Variants in CAPS2 observed in about 807,000 individuals in gnomAD.
The protein encoded by CAPS2 is calcyphosine 2.
In CAPS2, 98 loss-of-function variants were observed where a neutral mutation model predicts 86.5. That is an observed-to-expected ratio of 1.13 (90% CI 0.96 to 1.34). The LOEUF (loss-of-function observed/expected upper bound fraction) is 1.34. Ranked by LOEUF, CAPS2 falls within the 40% of genes most tolerant of loss-of-function variation. The pLI is 0.00. For synonymous variants in CAPS2, 210 were observed against 225.1 expected (o/e 0.93, Z 0.60); for missense variants, 729 against 686.8 (o/e 1.06, Z -0.69).
chr12:75,363,394 C>T (rs1436534317), intron 1 of CAPS2, among the ~76,000 whole-genome samples: 1 of 152,064 alleles, frequency 6.6e-6, no homozygotes, highest in Non-Finnish European at 1.5e-5. Flanking sequence ...CCCTCTGAAG[C>T]TAAAGAGCAG....
chr12:75,384,167 A>C (rs1240140869), intron 1 of CAPS2, among the ~76,000 whole-genome samples: 1 of 152,194 alleles, frequency 6.6e-6, no homozygotes, highest in Non-Finnish European at 1.5e-5. Context: ...AAATTTGAAC[A>C]GAAATCAATA....
intron 16 of CAPS2, among the ~76,000 whole-genome samples, chr12:75,279,823 A>C (rs945757926): frequency 6.6e-6 from 1 of 152,064 alleles, no homozygotes; most frequent in African/African-American, 2.4e-5. Flanking sequence ...CAAGGCTAAA[A>C]ATTAATCAAG....
chr12:75,323,311 G>A, intron 2 of CAPS2, 89 bp from the exon 4 acceptor site: 5 of 1,070,142 alleles, frequency 4.7e-6, no homozygotes, highest in South Asian at 1.6e-5. Flanking sequence ...TTATAAATAG[G>A]TACACTGAAA....
At chr12:75,346,376 G>A (rs978545866) in intron 1 of CAPS2, among the ~76,000 whole-genome samples, 1 of 152,002 alleles carries the variant, frequency 6.6e-6, no homozygotes, top group Non-Finnish European at 1.5e-5. Context: ...AAACCACAAA[G>A]ATGGCTGAAA....
At chr12:75,390,778 T>C (rs2045550033) in intron 1 of CAPS2, 9 of 524,430 alleles carry the variant, frequency 1.7e-5, no homozygotes, top group Non-Finnish European at 3.1e-5. Flanking sequence ...TCATTCAGTG[T>C]CAGAAATCAA....
At chr12:75,304,953 T>C (rs1265695324) in intron 7 of CAPS2, 77 bp from the exon 8 acceptor site, 1 of 1,401,178 alleles carries the variant, frequency 7.1e-7, no homozygotes. Context: ...TATAAGCAGT[T>C]CTAAAAGCTC....
chr12:75,289,834 G>A (rs571969398), intron 13 of CAPS2, 59 bp from the exon 14 acceptor site: 37 of 1,202,964 alleles, frequency 3.1e-5, no homozygotes, highest in South Asian at 2.6e-4. Flanking sequence ...GTATAAAGCC[G>A]CAGTTATCTT....
intron 1 of CAPS2, among the ~76,000 whole-genome samples, chr12:75,366,420 G>T (rs1314125466): frequency 6.6e-6 from 1 of 152,148 alleles, no homozygotes; most frequent in Non-Finnish European, 1.5e-5. Flanking sequence ...TTGAGTTGCA[G>T]ATTGACCTTT....
chr12:75,332,426 T>C (rs2041396227), upstream of CAPS2, among the ~76,000 whole-genome samples: 1 of 152,222 alleles, frequency 6.6e-6, no homozygotes, highest in African/African-American at 2.4e-5. Context: ...TTTGTATTTA[T>C]TTGTTCATTC....
intron 1 of CAPS2, among the ~76,000 whole-genome samples, chr12:75,348,039 G>A (rs572228911): frequency 4.0e-4 from 61 of 152,186 alleles, no homozygotes; most frequent in Non-Finnish European, 2.5e-4. Context: ...GCTGGCAGAT[G>A]CTTCTCTAAT....
At chr12:75,287,493 A>C (rs1215968194) in intron 14 of CAPS2, among the ~76,000 whole-genome samples, 1 of 152,056 alleles carries the variant, frequency 6.6e-6, no homozygotes, top group Admixed American at 6.6e-5. Flanking sequence ...TATCAGTATT[A>C]GGTCATACAC....
chr12:75,379,684 G>A (rs12369556), intron 1 of CAPS2, among the ~76,000 whole-genome samples: 53,111 of 151,870 alleles, frequency 0.35, 9,646 homozygotes, highest in East Asian at 0.46. Context: ...TCAAACTCAA[G>A]TAAGTGTGTG....
At chr12:75,289,912 G>A (rs1281610050) in intron 13 of CAPS2, 137 bp from the exon 14 acceptor site, 10 of 651,640 alleles carry the variant, frequency 1.5e-5, no homozygotes, top group Non-Finnish European at 2.6e-5. Flanking sequence ...TCAAATGTAA[G>A]ACAAAAGACT....
upstream of CAPS2, among the ~76,000 whole-genome samples, chr12:75,330,692 ATGTG>A (rs572897301): frequency 9.2e-5 from 14 of 152,236 alleles, no homozygotes; most frequent in East Asian, 2.3e-3. Context: ...ATATATATGT[ATGTG>A]TATTTGTGTG....
At chr12:75,355,167 G>A (rs1453463110) in intron 1 of CAPS2, among the ~76,000 whole-genome samples, 1 of 152,134 alleles carries the variant, frequency 6.6e-6, no homozygotes, top group African/African-American at 2.4e-5. Context: ...CACAGCAAAA[G>A]AAACTATCAT....
intron 16 of CAPS2, among the ~76,000 whole-genome samples, chr12:75,280,824 T>C (rs1233408536): frequency 1.3e-5 from 2 of 151,910 alleles, no homozygotes; most frequent in African/African-American, 4.8e-5. Flanking sequence ...CATGATTTCA[T>C]TTCATACTTA....
intron 13 of CAPS2, 105 bp from the exon 14 acceptor site, chr12:75,289,880 G>A: frequency 1.3e-6 from 1 of 793,330 alleles, no homozygotes; most frequent in Non-Finnish European, 2.0e-6. Flanking sequence ...ACTGAAATAA[G>A]GAATGTGAAT....
chr12:75,287,034 T>C (rs2034989388), intron 14 of CAPS2, among the ~76,000 whole-genome samples: 1 of 151,204 alleles, frequency 6.6e-6, no homozygotes, highest in African/African-American at 2.4e-5. Context: ...CAGCTATTAC[T>C]TGTGTGTGAT....
At chr12:75,369,980 C>T (rs1261869522) in intron 1 of CAPS2, 1 of 1,087,052 alleles carries the variant, frequency 9.2e-7, no homozygotes, top group South Asian at 1.4e-5. Context: ...ACTTATTATA[C>T]CTAACCGTAT....
Sources: allele counts gnomAD v4.1 joint callset (sites outside exome capture counted in the v4.1 genomes callset), GRCh38; gene constraint gnomAD v4.1.1; transcripts MANE v1.5; gene names NCBI Gene and HGNC (gene_info 2026-07-23, HGNC 2026-07-21).